KLF17: variants seen among roughly 807,000 people sequenced by gnomAD.
KLF17 encodes the protein Krueppel-like factor 17.
In KLF17, 31 loss-of-function variants were observed where a neutral mutation model predicts 34.2. That is an observed-to-expected ratio of 0.91 (90% CI 0.68 to 1.22). The LOEUF (loss-of-function observed/expected upper bound fraction) is 1.22. KLF17 is among the 50% of genes most tolerant of loss of function. KLF17 has a pLI of 0.00. For missense variants in KLF17, 478 were observed against 505.2 expected (o/e 0.95, Z 0.52); for synonymous variants, 179 against 186.7 (o/e 0.96, Z 0.34).
At chr1:44,064,841 A>G in the KLF17 span, among the ~76,000 whole-genome samples, 1 of 152,236 alleles carries the variant, frequency 6.6e-6, no homozygotes, top group Non-Finnish European at 1.5e-5. Flanking sequence ...ACGTTATAAT[A>G]ATTAATGATT....
At chr1:44,098,587 G>C in the KLF17 span, among the ~76,000 whole-genome samples, 1 of 125,388 alleles carries the variant, frequency 8.0e-6, no homozygotes, top group Non-Finnish European at 1.6e-5. Flanking sequence ...GTCTCGTCCT[G>C]TCACCCAGGC....
chr1:44,066,704 G>A, the KLF17 span, among the ~76,000 whole-genome samples: 1 of 152,142 alleles, frequency 6.6e-6, no homozygotes, highest in Non-Finnish European at 1.5e-5. Context: ...AGGTACATCA[G>A]AAGACATCTG....
chr1:44,118,885 A>G lies in KLF17; in HGVS notation c.-23A>G. ...CTGGTTCCCTGTCTCTTCAGTAGAGAGTCTAGACCCCACCCAGTCTTCATG... is the reference window on the plus strand; with the variant it reads ...CTGGTTCCCTGTCTCTTCAGTAGAGGGTCTAGACCCCACCCAGTCTTCATG... On this transcript the variant is annotated 5_prime_UTR_variant, in exon 1 of 4. Transcript: ENST00000372299. 6.3e-7 allele frequency: 1 copy of G among 1,588,768 alleles called. No individual in the cohort carries two copies. The highest frequency in any genetic ancestry group is 8.6e-7 in the Non-Finnish European group (1 of 1,167,092).
At chr1:44,103,364 G>A in the KLF17 span, 1 of 751,010 alleles carries the variant, frequency 1.3e-6, no homozygotes. Context: ...GCTTCCCGTT[G>A]CAGGTCTGGA....
chr1:44,100,257 CAA>C, the KLF17 span, among the ~76,000 whole-genome samples: 24 of 89,090 alleles, frequency 2.7e-4, no homozygotes, highest in Middle Eastern at 7.1e-3. Context: ...GACTCCATCT[CAA>C]AAAAAAAAAA....
At chr1:44,084,720 A>T in the KLF17 span, among the ~76,000 whole-genome samples, 1 of 151,252 alleles carries the variant, frequency 6.6e-6, no homozygotes, top group Admixed American at 6.6e-5. Flanking sequence ...GTGACTGCAT[A>T]AGCCTTTGCT....
chr1:44,070,235 T>C, the KLF17 span, among the ~76,000 whole-genome samples: 1 of 152,170 alleles, frequency 6.6e-6, no homozygotes, highest in Non-Finnish European at 1.5e-5. Flanking sequence ...CAAGTGTAAT[T>C]TTGTTACATT....
Position 44,122,528 on chromosome 1 carries a change from A to T in KLF17, c.81+3540A>T, listed in dbSNP as rs140997401. 1.6e-3 allele frequency: 1,341 copies of T among 852,626 alleles called. 1 individual carries two copies. Among genetic ancestry groups the T allele is most frequent in the Middle Eastern group, 4.4e-3 (20 of 4,586 alleles). The allele number at this position is 852,626 out of a possible 1,614,324, so 52.8% of individuals were successfully genotyped here. The stretch of plus-strand genomic sequence containing the variant: ...CGAGCTTCATCCTAGCGGTGCCATC[A>T]CCCTTTGGGTCCGATAGCACACTGA... On this transcript the variant is annotated intron_variant, in intron 1 of 3. Coordinates refer to ENST00000372299, the MANE Select transcript of KLF17 (RefSeq NM_173484.4).
chr1:44,062,981 A>G, the KLF17 span, among the ~76,000 whole-genome samples: 1 of 152,220 alleles, frequency 6.6e-6, no homozygotes, highest in Non-Finnish European at 1.5e-5. Context: ...CACTGGAACA[A>G]CCCAATGCGC....
Position 44,130,165 on chromosome 1 carries a change from C to T in KLF17, c.894C>T (p.Ser298=). Residue 298 remains serine, a synonymous_variant, in exon 2 of 4, where the codon TCC becomes TCT. Coordinates refer to ENST00000372299, the MANE Select transcript of KLF17 (RefSeq NM_173484.4). The stretch of plus-strand genomic sequence containing the variant: ...GCGGAAAAGCTTATACCAAACGCTC[C>T]CACCTCGTGAGCCACCAGCGCAAGC... ...ENCGKAYTKR[S]HLVSHQRKHT... 1 of 1,613,372 alleles carries T rather than the reference C, an allele frequency of 6.2e-7. No homozygotes were observed. Among genetic ancestry groups the T allele is most frequent in the South Asian group, 1.1e-5 (1 of 91,042 alleles).
the KLF17 span, among the ~76,000 whole-genome samples, chr1:44,093,540 A>G: frequency 7.9e-5 from 12 of 151,992 alleles, no homozygotes; most frequent in Admixed American, 2.6e-4. Context: ...AATTACAGGC[A>G]TTTGCCACCA....
intron 2 of KLF17, 123 bp from the exon 3 acceptor site, chr1:44,130,389 G>A (rs533571429): frequency 7.0e-7 from 1 of 1,421,966 alleles, no homozygotes; most frequent in African/African-American, 1.4e-5. Context: ...TGATTGTGTT[G>A]CCCCTCCCTG....
chr1:44,115,574 T>C (rs752922135), upstream of KLF17: 2 of 151,636 alleles, frequency 1.3e-5, no homozygotes, highest in Admixed American at 6.6e-5. Context: ...ACATGAAATA[T>C]GTTACTGAAT....
At chr1:44,118,258 T>G (rs746354482), upstream of KLF17, among the ~76,000 whole-genome samples, 14 of 152,232 alleles carry the variant, frequency 9.2e-5, no homozygotes, top group Non-Finnish European at 1.5e-4. Flanking sequence ...TCTGTCCTGT[T>G]TACTATTTTA....
chr1:44,087,875 T>C, the KLF17 span: 2 of 153,042 alleles, frequency 1.3e-5, no homozygotes, highest in African/African-American at 4.9e-5. Flanking sequence ...GTGTGTTTAA[T>C]GGCAAACCTT....
chr1:44,074,341 C>G, the KLF17 span, among the ~76,000 whole-genome samples: 1 of 152,266 alleles, frequency 6.6e-6, no homozygotes, highest in South Asian at 2.1e-4. Context: ...CATCCCCTCT[C>G]CTCATCCTCA....
chr1:44,127,145 G>A (rs2088018389), intron 1 of KLF17, among the ~76,000 whole-genome samples: 1 of 150,002 alleles, frequency 6.7e-6, no homozygotes, highest in Non-Finnish European at 1.5e-5. Context: ...CTGGACTCAA[G>A]AGATCCTTCC....
At chr1:44,122,834 A>G (rs1016710245) in intron 1 of KLF17, among the ~76,000 whole-genome samples, 1 of 152,080 alleles carries the variant, frequency 6.6e-6, no homozygotes, top group Non-Finnish European at 1.5e-5. Context: ...CCTGACCTCA[A>G]GTGATCCACC....
the KLF17 span, among the ~76,000 whole-genome samples, chr1:44,065,404 G>T: frequency 1.0e-4 from 15 of 143,638 alleles, no homozygotes; most frequent in African/African-American, 2.7e-4. Context: ...AATAATCCTT[G>T]GTTTTTTTTT....
Sources: allele counts gnomAD v4.1 joint callset (sites outside exome capture counted in the v4.1 genomes callset), GRCh38; gene constraint gnomAD v4.1.1; transcripts MANE v1.5; gene names NCBI Gene and HGNC (gene_info 2026-07-23, HGNC 2026-07-21).